Variants in TAF1 observed in about 807,000 individuals in gnomAD.
The protein encoded by TAF1 is transcription initiation factor TFIID subunit 1.
TAF1 carries 2 observed loss-of-function variants against 138.5 expected under a neutral mutation model. That is an observed-to-expected ratio of 0.01 (90% CI 0.01 to 0.05). The LOEUF (loss-of-function observed/expected upper bound fraction) is 0.05. Ranked by LOEUF, TAF1 falls within the 10% of genes least tolerant of loss-of-function variation. The pLI, the probability that TAF1 is intolerant of heterozygous loss-of-function variation, is 1.00. For synonymous variants in TAF1, 437 were observed against 503.2 expected, an observed-to-expected ratio of 0.87 and a Z score of 1.76; for missense variants, 709 against 1,478.0, an observed-to-expected ratio of 0.48 and a Z score of 8.53.
intron 13 of TAF1, among the ~76,000 whole-genome samples, chrX:71,498,956 G>A (rs2039445483): frequency 9.0e-6 from 1 of 111,618 alleles, no homozygotes; most frequent in South Asian, 3.8e-4. Context: ...CCAGGAGGAA[G>A]TCAATTTCCT....
At chrX:71,479,217 CATATG>C (rs2039032107) in intron 13 of TAF1, among the ~76,000 whole-genome samples, 2 of 112,041 alleles carry the variant, frequency 1.8e-5, no homozygotes, top group African/African-American at 3.2e-5. Context: ...CAGAAAAATT[CATATG>C]ATATGATTCT....
chrX:71,383,226 T>C, intron 12 of TAF1, 62 bp downstream of exon 12: 1 of 1,105,291 alleles, frequency 9.0e-7, no homozygotes, highest in East Asian at 3.0e-5. Context: ...ATTAAGGGAA[T>C]GTACCAGGTA....
At chrX:71,459,821 T>C in intron 36 of TAF1, 113 bp downstream of exon 36, 2 of 1,130,523 alleles carry the variant, frequency 1.8e-6, no homozygotes, top group Non-Finnish European at 2.3e-6. Context: ...GCCTCTTTTA[T>C]TGAATTCCTA....
chrX:71,500,791 G>A (rs988344297), intron 13 of TAF1, among the ~76,000 whole-genome samples: 11 of 110,427 alleles, frequency 1.0e-4, no homozygotes, highest in Admixed American at 2.9e-4. Flanking sequence ...GGCTGGGCGC[G>A]GTGGCTCATG....
intron 13 of TAF1, among the ~76,000 whole-genome samples, chrX:71,524,758 T>C (rs1174208972): frequency 2.7e-5 from 3 of 109,188 alleles, no homozygotes; most frequent in Non-Finnish European, 3.8e-5. Flanking sequence ...CTGGCCAACA[T>C]GGTGAAACCC....
chrX:71,474,617 G>A (rs2038948505), intron 13 of TAF1, among the ~76,000 whole-genome samples: 1 of 112,101 alleles, frequency 8.9e-6, no homozygotes, highest in Non-Finnish European at 1.9e-5. Context: ...GTATAGCATG[G>A]AAAACATGGA....
intron 27 of TAF1, 150 bp downstream of exon 27, chrX:71,407,822 T>G: frequency 1.0e-6 from 1 of 968,748 alleles, no homozygotes; most frequent in Non-Finnish European, 1.4e-6. Context: ...TTTGTTTTTT[T>G]AAGCAGTTTA....
chrX:71,479,254 A>G lies in TAF1; in HGVS notation c.1366+18451A>G, dbSNP rs370421049. 5.3e-5 allele frequency among the ~76,000 whole-genome samples: 6 copies of G among 112,240 alleles called. No individual in the cohort carries two copies. In the South Asian group the frequency reaches 1.8e-3, roughly 34 times the overall value. ...TTCTATGTATATAAGGTTCAAAAACACGGGTGAGAAAGCCATAAAGAAAAG... is the reference window on the plus strand; with the variant it reads ...TTCTATGTATATAAGGTTCAAAAACGCGGGTGAGAAAGCCATAAAGAAAAG... On this transcript the variant is annotated intron_variant and NMD_transcript_variant, in intron 13 of 14. Coordinates refer to the TAF1 transcript ENST00000373775.
intron 13 of TAF1, among the ~76,000 whole-genome samples, chrX:71,476,889 A>C (rs2147500997): frequency 9.0e-6 from 1 of 111,043 alleles, no homozygotes; most frequent in Non-Finnish European, 1.9e-5. Context: ...TACATCACGC[A>C]AAAATCAATC....
chrX:71,410,887 A>G (rs2035750175), intron 28 of TAF1, among the ~76,000 whole-genome samples: 3 of 111,313 alleles, frequency 2.7e-5, no homozygotes, highest in African/African-American at 9.8e-5. Flanking sequence ...TGTTCAAGCG[A>G]TTCTCCTGCC....
chrX:71,429,006 T>A (rs2036737684), intron 32 of TAF1, among the ~76,000 whole-genome samples: 1 of 111,720 alleles, frequency 9.0e-6, no homozygotes, highest in Non-Finnish European at 1.9e-5. Flanking sequence ...CCGGGCGCGG[T>A]GGCTCACGCC....
intron 13 of TAF1, among the ~76,000 whole-genome samples, chrX:71,510,250 G>A (rs2039706671): frequency 1.8e-5 from 2 of 110,753 alleles, no homozygotes; most frequent in African/African-American, 6.6e-5. Context: ...CAGGAACAAT[G>A]CCTCAAACCA....
Position 71,382,790 on chromosome X carries a change from A to G in TAF1, c.1695A>G (p.Pro565=), listed in dbSNP as rs779507374. 1.7e-6 allele frequency: 2 copies of G among 1,210,325 alleles called. No homozygotes were observed. Among genetic ancestry groups the G allele is most frequent in the Non-Finnish European group, 1.1e-6 (1 of 895,071 alleles). ...QNMSQPEVKD[P]WNLSNDEYYY... ...TGTCTCAGCCAGAAGTGAAAGATCC[A>G]TGGAATCTCTCCAATGATGAGTATT... The change falls in exon 11 of 38, where the codon CCA becomes CCG. Residue 565 remains proline (P), a synonymous_variant. Transcript: ENST00000423759.
At chrX:71,438,926 A>G (rs1427645717) in intron 32 of TAF1, among the ~76,000 whole-genome samples, 1 of 112,009 alleles carries the variant, frequency 8.9e-6, no homozygotes, top group Admixed American at 9.5e-5. Context: ...AGCCAAGATC[A>G]TGACACGGCA....
At chrX:71,394,015 C>T (rs2034712463) in intron 21 of TAF1, 52 bp from the exon 22 acceptor site, 1 of 1,111,765 alleles carries the variant, frequency 9.0e-7, no homozygotes, top group African/African-American at 1.8e-5. Context: ...TTACTTTTGC[C>T]TGCAACCATA....
intron 13 of TAF1, among the ~76,000 whole-genome samples, chrX:71,503,222 G>C (rs1183950882): frequency 9.8e-6 from 1 of 102,318 alleles, no homozygotes; most frequent in Non-Finnish European, 2.0e-5. Flanking sequence ...AGCGAGCCAA[G>C]ATCCCGACAC....
intron 32 of TAF1, among the ~76,000 whole-genome samples, chrX:71,428,657 GATTT>G (rs758995803): frequency 2.3e-4 from 26 of 111,972 alleles, no homozygotes; most frequent in African/African-American, 8.4e-4. Context: ...TATTAGCAAG[GATTT>G]ATTTAACCTG....
intron 13 of TAF1, among the ~76,000 whole-genome samples, chrX:71,472,408 T>G (rs2038905946): frequency 8.9e-6 from 1 of 112,101 alleles, no homozygotes; most frequent in African/African-American, 3.2e-5. Flanking sequence ...GAGTATAGAA[T>G]TATTAAGCCA....
intron 32 of TAF1, among the ~76,000 whole-genome samples, chrX:71,450,358 A>G (rs1050726085): frequency 5.4e-5 from 6 of 111,175 alleles, no homozygotes; most frequent in African/African-American, 1.6e-4. Context: ...ATGCACCACC[A>G]TGCCCAGCTA....
Sources: allele counts gnomAD v4.1 joint callset (sites outside exome capture counted in the v4.1 genomes callset), GRCh38; gene constraint gnomAD v4.1.1; transcripts MANE v1.5; gene names NCBI Gene and HGNC (gene_info 2026-07-23, HGNC 2026-07-21).